TENM1: variants seen among roughly 807,000 people sequenced by gnomAD.
TENM1 encodes teneurin-1.
TENM1 carries 35 observed loss-of-function variants against 174.8 expected under a neutral mutation model. The observed-to-expected ratio is 0.20, with a 90% CI of 0.15 to 0.27. The LOEUF (loss-of-function observed/expected upper bound fraction) is 0.27. Among genes scored for constraint, TENM1 ranks in the 10% least tolerant of loss-of-function variants. The probability of loss-of-function intolerance (pLI) is 1.00; values close to 1 mark genes in which losing one functional copy is unlikely to be tolerated. For synonymous variants in TENM1, 781 were observed against 798.7 expected (o/e 0.98, Z 0.37); for missense variants, 1,633 against 2,130.1 (o/e 0.77, Z 4.59).
the TENM1 span, among the ~76,000 whole-genome samples, chrX:124,977,904 T>C: frequency 1.9e-5 from 2 of 105,459 alleles, no homozygotes; most frequent in African/African-American, 7.0e-5. Context: ...GTTGATATGC[T>C]TGATGTTGTC....
chrX:125,145,921 T>A, the TENM1 span, among the ~76,000 whole-genome samples: 4 of 112,139 alleles, frequency 3.6e-5, no homozygotes, highest in African/African-American at 1.3e-4. Flanking sequence ...CCACAACTTT[T>A]ATACCCAGAG....
At chrX:124,813,108 TAATAAAAGACCAAC>T (rs1453186354) in intron 3 of TENM1, among the ~76,000 whole-genome samples, 3 of 111,304 alleles carry the variant, frequency 2.7e-5, no homozygotes, top group African/African-American at 9.8e-5. Flanking sequence ...TACAAATCAA[TAATAAAAGACCAAC>T]AATCCAACAT....
intron 3 of TENM1, among the ~76,000 whole-genome samples, chrX:124,789,853 C>T (rs1049785133): frequency 6.3e-5 from 7 of 111,849 alleles, no homozygotes; most frequent in African/African-American, 2.0e-4. Flanking sequence ...GTTCCAAAGT[C>T]GCTTCCACAT....
chrX:124,769,970 T>C (rs962438214), intron 3 of TENM1, among the ~76,000 whole-genome samples: 75 of 111,923 alleles, frequency 6.7e-4, no homozygotes, highest in African/African-American at 2.3e-3. Context: ...CCTTGGAAAC[T>C]ATTTATTCTA....
intron 4 of TENM1, among the ~76,000 whole-genome samples, chrX:124,722,171 T>A (rs1416074312): frequency 8.9e-6 from 1 of 112,495 alleles, no homozygotes; most frequent in African/African-American, 3.2e-5. Context: ...GTGACTATTT[T>A]ATGCCAGAAG....
chrX:124,471,484 T>TTATATAATATATA (rs2061329380), intron 22 of TENM1, among the ~76,000 whole-genome samples: 1 of 47,593 alleles, frequency 2.1e-5, no homozygotes, highest in African/African-American at 9.4e-5. Flanking sequence ...TAATATATAA[T>TTATATAATATATA]ATATAGTATT....
chrX:124,598,291 T>C (rs1028017158), intron 11 of TENM1, among the ~76,000 whole-genome samples: 2 of 111,453 alleles, frequency 1.8e-5, no homozygotes, highest in African/African-American at 6.5e-5. Flanking sequence ...GGAAGGTAAA[T>C]TAGTACAACC....
chrX:125,060,916 T>G, the TENM1 span, among the ~76,000 whole-genome samples: 1 of 111,059 alleles, frequency 9.0e-6, no homozygotes, highest in African/African-American at 3.3e-5. Flanking sequence ...AATAAAACCA[T>G]ATTCACCTAG....
At chrX:124,377,299 T>A (rs2060114447) in exon 32 of TENM1, 1 of 111,066 alleles carries the variant, frequency 9.0e-6, no homozygotes, top group South Asian at 3.7e-4. Flanking sequence ...CATTTGGCTA[T>A]GTTGTATATA....
chrX:125,182,522 TTACACACATCATTGCCTTACTCAG>T, the TENM1 span, among the ~76,000 whole-genome samples: 4 of 109,283 alleles, frequency 3.7e-5, no homozygotes, highest in East Asian at 1.2e-3. Flanking sequence ...CTATTTTAGA[TTACACACATCATTGCCTTACTCAG>T]TAGGTTTTGA....
At chrX:125,118,767 G>GA in the TENM1 span, among the ~76,000 whole-genome samples, 1 of 112,077 alleles carries the variant, frequency 8.9e-6, no homozygotes, top group Non-Finnish European at 1.9e-5. Context: ...ACTATGTGCT[G>GA]AAAAGATACT....
intron 11 of TENM1, among the ~76,000 whole-genome samples, chrX:124,638,142 G>T (rs1168577860): frequency 9.0e-6 from 1 of 111,125 alleles, no homozygotes; most frequent in African/African-American, 3.3e-5. Flanking sequence ...AGAAAGGAGT[G>T]GGGTAGGGTT....
the TENM1 span, among the ~76,000 whole-genome samples, chrX:124,995,982 A>G: frequency 9.0e-6 from 1 of 111,406 alleles, no homozygotes; most frequent in Non-Finnish European, 1.9e-5. Context: ...TTCTTTCTTG[A>G]AAAAATCCAA....
chrX:124,868,560 T>C (rs1333823667), intron 3 of TENM1, among the ~76,000 whole-genome samples: 2 of 111,304 alleles, frequency 1.8e-5, no homozygotes, highest in Non-Finnish European at 3.8e-5. Context: ...CTCCAGGATA[T>C]TACTCTGGGC....
intron 20 of TENM1, among the ~76,000 whole-genome samples, chrX:124,489,959 G>C (rs1001685707): frequency 1.8e-5 from 2 of 111,303 alleles, no homozygotes; most frequent in African/African-American, 6.5e-5. Context: ...CCTCATCCAA[G>C]ACTACCTTCC....
At chrX:124,736,624 C>T (rs1406137732) in intron 4 of TENM1, among the ~76,000 whole-genome samples, 1 of 111,768 alleles carries the variant, frequency 8.9e-6, no homozygotes, top group Non-Finnish European at 1.9e-5. Flanking sequence ...GGGACAATTG[C>T]CTTTCACTTT....
chrX:124,510,775 T>TACACACACACACACACACACACAC (rs755205162), intron 18 of TENM1, among the ~76,000 whole-genome samples: 123 of 103,578 alleles, frequency 1.2e-3, no homozygotes, highest in African/African-American at 4.0e-3. Context: ...CATGGGGAGA[T>TACACACACACACACACACACACAC]ACACACACAC....
chrX:125,135,546 A>C, the TENM1 span, among the ~76,000 whole-genome samples: 1 of 112,021 alleles, frequency 8.9e-6, no homozygotes, highest in Admixed American at 9.5e-5. Context: ...AAATTACATA[A>C]AGCATGTGTT....
At chrX:124,893,264 T>C (rs746604294) in intron 3 of TENM1, among the ~76,000 whole-genome samples, 1 of 112,465 alleles carries the variant, frequency 8.9e-6, no homozygotes, top group Admixed American at 9.4e-5. Context: ...TGTTCAAGTT[T>C]ACATATTGCA....
Sources: gnomAD v4.1 joint callset for allele counts (sites outside exome capture counted in the v4.1 genomes callset) on GRCh38, gnomAD v4.1.1 for gene constraint, MANE v1.5 for transcripts, NCBI Gene and HGNC (gene_info 2026-07-23, HGNC 2026-07-21) for gene names.